Variants in RERE observed in about 807,000 individuals in gnomAD.
The protein encoded by RERE is arginine-glutamic acid dipeptide repeats.
A neutral mutation model predicts 146.1 loss-of-function variants in RERE; 40 were observed. That is an observed-to-expected ratio of 0.27 (90% CI 0.21 to 0.36). RERE has a LOEUF of 0.36. Among genes scored for constraint, RERE ranks in the 10% least tolerant of loss-of-function variants. The pLI is 1.00. For synonymous variants in RERE, 1,003 were observed against 866.0 expected (o/e 1.16, Z -2.78); for missense variants, 1,933 against 2,138.7 (o/e 0.90, Z 1.90).
Position 8,735,825 on chromosome 1 carries a change from T to C in RERE, c.-144-79384A>G, listed in dbSNP as rs549323575. Among the ~76,000 whole-genome samples the C allele has an allele frequency of 1.4e-4, 22 of 151,804 alleles. No homozygotes were observed. In the South Asian group the frequency reaches 2.5e-3, roughly 17 times the overall value. On this transcript the variant is annotated intron_variant, in intron 1 of 22. Transcript: ENST00000400908. ...CTCCAGCTCTGCCTTCCACCGTGAG[T>C]AAAAGCTCCCTGAGGCCTCCCCAGC... is the stretch of plus-strand genomic sequence containing the variant.
At chr1:8,494,993 C>T in intron 10 of RERE, 70 bp downstream of exon 10, 1 of 1,148,498 alleles carries the variant, frequency 8.7e-7, no homozygotes, top group Non-Finnish European at 1.3e-6. Flanking sequence ...GCACTCATCA[C>T]ACATTCCCTA....
chr1:8,454,000 T>C (rs1253951196), intron 11 of RERE, among the ~76,000 whole-genome samples: 2 of 152,172 alleles, frequency 1.3e-5, no homozygotes, highest in Admixed American at 1.3e-4. Context: ...CAGATTTTAA[T>C]ATTAAACAGT....
chr1:8,466,075 C>T, intron 10 of RERE, 52 bp from the exon 11 acceptor site: 1 of 1,467,114 alleles, frequency 6.8e-7, no homozygotes, highest in Non-Finnish European at 9.4e-7. Flanking sequence ...ACAGACAGGA[C>T]ACAATCGATC....
intron 4 of RERE, among the ~76,000 whole-genome samples, chr1:8,579,331 G>C (rs533640894): frequency 4.9e-4 from 74 of 152,244 alleles, no homozygotes; most frequent in African/African-American, 1.7e-3. Flanking sequence ...ACACATAATA[G>C]AGCCACCACT....
In RERE at chr1:8,358,418, G is replaced by A; in HGVS notation, c.4117C>T (p.Pro1373Ser). The change falls in exon 20 of 23, where the codon CCC becomes TCC. Residue 1373 changes from proline (P) to serine (S), a missense_variant. Physicochemically the swap from Pro to Ser is moderately conservative, Grantham distance 74. Transcript: ENST00000400908. Reference sequence around the variant, plus strand: ...AGGGCCAGTCTCTCCCTCTCCAAGGGGTTCAGGCCCGGGTGGAAAGAAGCA... The same window carrying A: ...AGGGCCAGTCTCTCCCTCTCCAAGGAGTTCAGGCCCGGGTGGAAAGAAGCA... Reference protein sequence around the residue: ...PFASFHPGLNPLERERLALAG... With the variant: ...PFASFHPGLNSLERERLALAG... 1 of 1,596,584 alleles carries A rather than the reference G, an allele frequency of 6.3e-7. No homozygotes were observed. Among genetic ancestry groups the A allele is most frequent in the Non-Finnish European group, 8.6e-7 (1 of 1,167,902 alleles).
At chr1:8,516,132 G>A (rs115600319) in intron 7 of RERE, among the ~76,000 whole-genome samples, 104 of 137,744 alleles carry the variant, frequency 7.6e-4, no homozygotes, top group African/African-American at 2.6e-3. Context: ...TGCTGAGGCA[G>A]AAAAATTGCT....
At chr1:8,747,860 C>A (rs562066596) in intron 1 of RERE, among the ~76,000 whole-genome samples, 1 of 152,062 alleles carries the variant, frequency 6.6e-6, no homozygotes, top group Non-Finnish European at 1.5e-5. Flanking sequence ...CCGAGAACTC[C>A]GCCTCCCGGG....
At chr1:8,550,522 G>T (rs1645920695) in intron 6 of RERE, among the ~76,000 whole-genome samples, 1 of 152,080 alleles carries the variant, frequency 6.6e-6, no homozygotes, top group East Asian at 1.9e-4. Flanking sequence ...GAGCTAAAGG[G>T]TGTTTTTTGT....
rs377196797 is a variant in RERE, at chr1:8,444,885, A to G, written c.1203+21040T>C. On this transcript the variant is annotated intron_variant, in intron 11 of 22. Coordinates refer to ENST00000400908, the MANE Select transcript of RERE (RefSeq NM_001042681.2). ...TTGGTGTCATGCTTGTACAGCCTAT[A>G]GAACTGTGCGCCAATTAAACCTCTT... Among the ~76,000 whole-genome samples the G allele has an allele frequency of 3.3e-5, 5 of 151,896 alleles. No homozygotes were observed. In the East Asian group the frequency reaches 5.8e-4, roughly 18 times the overall value.
chr1:8,694,527 G>A (rs1639278574), intron 1 of RERE, among the ~76,000 whole-genome samples: 1 of 152,194 alleles, frequency 6.6e-6, no homozygotes, highest in South Asian at 2.1e-4. Flanking sequence ...TTGGGAGGTT[G>A]AGGCGGGCAG....
chr1:8,442,341 G>A (rs1418021587), intron 11 of RERE, among the ~76,000 whole-genome samples: 1 of 149,468 alleles, frequency 6.7e-6, no homozygotes, highest in Non-Finnish European at 1.5e-5. Flanking sequence ...CCAAGATGGT[G>A]CCGCCACTGC....
chr1:8,574,476 C>A (rs1646265248), intron 4 of RERE, among the ~76,000 whole-genome samples: 1 of 151,202 alleles, frequency 6.6e-6, no homozygotes, highest in Non-Finnish European at 1.5e-5. Context: ...TCCCGAGTAG[C>A]TGGGACTACA....
intron 7 of RERE, among the ~76,000 whole-genome samples, chr1:8,513,734 C>T (rs1379644672): frequency 2.0e-5 from 3 of 152,164 alleles, no homozygotes; most frequent in African/African-American, 4.8e-5. Flanking sequence ...GAGCCAACAT[C>T]GTGCCATTGT....
intron 4 of RERE, among the ~76,000 whole-genome samples, chr1:8,596,364 C>A (rs1488338888): frequency 1.3e-5 from 2 of 152,216 alleles, no homozygotes; most frequent in Non-Finnish European, 2.9e-5. Flanking sequence ...TAAGATTTGT[C>A]TTTTAAAAAG....
At chr1:8,755,894 G>A (rs1472295533) in intron 1 of RERE, among the ~76,000 whole-genome samples, 4 of 151,824 alleles carry the variant, frequency 2.6e-5, no homozygotes, top group Admixed American at 2.6e-4. Flanking sequence ...GTGAGACTCC[G>A]TCTCCACAAA....
chr1:8,769,106 G>A (rs1640898880), intron 1 of RERE, among the ~76,000 whole-genome samples: 1 of 152,126 alleles, frequency 6.6e-6, no homozygotes, highest in Non-Finnish European at 1.5e-5. Flanking sequence ...TCTGGCCCAC[G>A]CAGCCTAAAA....
At chr1:8,402,049 A>G (rs913879994) in intron 12 of RERE, among the ~76,000 whole-genome samples, 3 of 152,040 alleles carry the variant, frequency 2.0e-5, no homozygotes, top group African/African-American at 7.2e-5. Context: ...TTGTACTTTT[A>G]GTAGAGACGA....
intron 6 of RERE, among the ~76,000 whole-genome samples, chr1:8,545,385 A>G (rs1645846191): frequency 6.6e-6 from 1 of 152,188 alleles, no homozygotes; most frequent in Non-Finnish European, 1.5e-5. Context: ...CTGGCTACCA[A>G]GAGGAGGTGG....
chr1:8,725,463 G>A (rs1418191185), intron 1 of RERE, among the ~76,000 whole-genome samples: 1 of 152,144 alleles, frequency 6.6e-6, no homozygotes, highest in Non-Finnish European at 1.5e-5. Context: ...CTACTCAGGA[G>A]GCTGAGGCAG....
Sources: allele counts gnomAD v4.1 joint callset (sites outside exome capture counted in the v4.1 genomes callset), GRCh38; gene constraint gnomAD v4.1.1; transcripts MANE v1.5; gene names NCBI Gene and HGNC (gene_info 2026-07-23, HGNC 2026-07-21).